SERINC5: variants seen among roughly 807,000 people sequenced by gnomAD.
SERINC5 encodes the protein chromosome 5 open reading frame 12.
In SERINC5, 41 loss-of-function variants were observed where a neutral mutation model predicts 63.1. The observed-to-expected ratio is 0.65, with a 90% confidence interval of 0.51 to 0.84. The LOEUF is 0.84. Among genes scored for constraint, SERINC5 ranks in the 40% least tolerant of loss-of-function variants. SERINC5 has a pLI of 0.00. For synonymous variants in SERINC5, 222 were observed against 215.2 expected, an observed-to-expected ratio of 1.03 and a Z score of -0.28; for missense variants, 523 against 573.0, an observed-to-expected ratio of 0.91 and a Z score of 0.89.
rs533772635 is a variant in SERINC5, at chr5:80,131,493, T to G, written c.1238+14597A>C. Among the ~76,000 whole-genome samples, 5 of 151,996 alleles carry G rather than the reference T, an allele frequency of 3.3e-5. No homozygotes were observed. In the East Asian group the frequency reaches 5.8e-4, roughly 18 times the overall value. On this transcript the variant is annotated intron_variant, in intron 11 of 12. Coordinates refer to the SERINC5 transcript ENST00000509193. ...GCTATCCAAGGGAGAAGCATTCCAG[T>G]ATGGGAAAGAGTGTGTGCAGAGAGC...
Position 80,119,924 on chromosome 5 carries a change from C to T in SERINC5, c.1239-6299G>A, listed in dbSNP as rs548890192. Reference sequence around the variant, plus strand: ...TCCAACCTAGGTAGGGGCTTGCTACCTAGGAGTCAATATGTAATACTGGAA... The same window carrying T: ...TCCAACCTAGGTAGGGGCTTGCTACTTAGGAGTCAATATGTAATACTGGAA... On this transcript the variant is annotated intron_variant, in intron 11 of 12. Coordinates refer to the SERINC5 transcript ENST00000509193. 2.0e-5 allele frequency among the ~76,000 whole-genome samples: 3 copies of T among 152,228 alleles called. No homozygotes were observed. In the South Asian group the frequency reaches 6.2e-4, roughly 32 times the overall value.
intron 6 of SERINC5, chr5:80,167,165 G>C (rs1290996757): frequency 1.3e-5 from 2 of 152,132 alleles, no homozygotes; most frequent in East Asian, 1.9e-4. Flanking sequence ...TTGTCATATA[G>C]ATTATTTCGT....
intron 12 of SERINC5, among the ~76,000 whole-genome samples, chr5:80,112,401 G>T (rs1005229942): frequency 6.6e-6 from 1 of 152,014 alleles, no homozygotes; most frequent in Non-Finnish European, 1.5e-5. Flanking sequence ...ACGTTTTCTT[G>T]CTGACCTTCT....
intron 1 of SERINC5, among the ~76,000 whole-genome samples, chr5:80,236,469 G>A (rs1751694960): frequency 6.6e-6 from 1 of 151,562 alleles, no homozygotes; most frequent in African/African-American, 2.4e-5. Context: ...ATTCTCAGTA[G>A]AAAGCAGGTT....
At chr5:80,163,249 G>A (rs1406707050) in intron 7 of SERINC5, among the ~76,000 whole-genome samples, 1 of 152,100 alleles carries the variant, frequency 6.6e-6, no homozygotes, top group Admixed American at 6.6e-5. Flanking sequence ...AGCCTTTTGG[G>A]TTTTCTAGAT....
At chr5:80,144,613 C>G (rs1190459378) in intron 11 of SERINC5, among the ~76,000 whole-genome samples, 1 of 152,178 alleles carries the variant, frequency 6.6e-6, no homozygotes, top group Non-Finnish European at 1.5e-5. Flanking sequence ...CATTAAAGCT[C>G]CCTTCTCCTC....
chr5:80,148,493 A>G (rs1580064311), intron 9 of SERINC5, among the ~76,000 whole-genome samples: 1 of 151,766 alleles, frequency 6.6e-6, no homozygotes, highest in South Asian at 2.1e-4. Context: ...CCCGGCCATT[A>G]TTTCTTACCT....
chr5:80,169,216 A>G (rs1747489951), intron 6 of SERINC5, 119 bp downstream of exon 6: 1 of 785,244 alleles, frequency 1.3e-6, no homozygotes, highest in Non-Finnish European at 2.1e-6. Context: ...ACACATCCAC[A>G]GTAAGTTAAG....
intron 1 of SERINC5, among the ~76,000 whole-genome samples, chr5:80,215,299 C>T (rs769512313): frequency 6.6e-6 from 1 of 152,146 alleles, no homozygotes; most frequent in Non-Finnish European, 1.5e-5. Context: ...CTGCTCCTGC[C>T]ATGTAAGACA....
intron 6 of SERINC5, 57 bp from the exon 7 acceptor site, chr5:80,166,535 T>C (rs1747315681): frequency 3.2e-6 from 4 of 1,233,028 alleles, no homozygotes; most frequent in African/African-American, 3.0e-5. Flanking sequence ...AGAAAGCACA[T>C]GCCTAAAAAA....
intron 11 of SERINC5, among the ~76,000 whole-genome samples, chr5:80,132,153 CA>C (rs1398872299): frequency 6.6e-6 from 1 of 152,136 alleles, no homozygotes; most frequent in African/African-American, 2.4e-5. Context: ...AAACCATGAG[CA>C]AATAATAGCA....
downstream of SERINC5, among the ~76,000 whole-genome samples, chr5:80,137,153 A>AC (rs1433427377): frequency 1.5e-5 from 2 of 134,356 alleles, no homozygotes; most frequent in African/African-American, 2.8e-5. Flanking sequence ...AAAAAAAAAA[A>AC]AAAAAAAAAA....
At chr5:80,224,410 G>A (rs1451975645) in intron 1 of SERINC5, among the ~76,000 whole-genome samples, 3 of 151,930 alleles carry the variant, frequency 2.0e-5, no homozygotes, top group African/African-American at 7.3e-5. Context: ...CCAGGAGGTC[G>A]AGGCTGCAAT....
At chr5:80,217,279 T>C (rs1435361184) in intron 1 of SERINC5, among the ~76,000 whole-genome samples, 3 of 152,180 alleles carry the variant, frequency 2.0e-5, no homozygotes, top group Non-Finnish European at 4.4e-5. Context: ...CGGCAGCCAG[T>C]GAAACACTAA....
chr5:80,244,694 C>T (rs533139573), intron 1 of SERINC5, among the ~76,000 whole-genome samples: 47 of 152,084 alleles, frequency 3.1e-4, no homozygotes, highest in African/African-American at 1.0e-3. Context: ...TAGTGGCATG[C>T]GCCCGTAATC....
chr5:80,143,177 G>T lies in SERINC5; in HGVS notation c.*486C>A. The T allele has an allele frequency of 1.0e-6, 1 of 986,556 alleles. No individual in the cohort carries two copies. The allele number at this position is 986,556 out of a possible 1,614,324, so 61.1% of individuals were successfully genotyped here. On this transcript the variant is annotated 3_prime_UTR_variant, in exon 12 of 12. Transcript: ENST00000507668. ...GGACCCTATAAATACCAGGGGCCCT[G>T]CAGGCTGAGTCCTGTCCTCAAAGCC...
At chr5:80,186,126 GAAA>G (rs10554934) in intron 2 of SERINC5, among the ~76,000 whole-genome samples, 13,414 of 60,916 alleles carry the variant, frequency 0.22, 881 homozygotes, top group Non-Finnish European at 0.27. Flanking sequence ...TTCTTGTTTT[GAAA>G]AAAAAAAAAA....
At chr5:80,221,651 GCAATATT>G (rs904700679) in intron 1 of SERINC5, among the ~76,000 whole-genome samples, 3 of 151,936 alleles carry the variant, frequency 2.0e-5, no homozygotes, top group Non-Finnish European at 4.4e-5. Context: ...AGAGAAAACT[GCAATATT>G]TTAATAGGTA....
Position 80,142,545 on chromosome 5 carries a change from T to A in SERINC5, c.*1118A>T. The stretch of plus-strand genomic sequence containing the variant: ...CACACATTGCCTAACAAGCTTCTTC[T>A]GGTCAGTGTGTCTGAGATCCTCACC... On this transcript the variant is annotated 3_prime_UTR_variant, in exon 12 of 12. Coordinates refer to ENST00000507668, the MANE Select transcript of SERINC5 (RefSeq NM_001174072.3). 3 of 985,478 alleles carry A rather than the reference T, an allele frequency of 3.0e-6. No homozygotes were observed. The highest frequency in any genetic ancestry group is 3.6e-6 in the Non-Finnish European group (3 of 829,952). 61.0% of individuals were successfully genotyped at this position (985,478 alleles called of 1,614,324 possible). A position where few individuals can be genotyped will look rare whatever the true frequency, so the allele number is the denominator to read the frequency against.
Sources: allele counts gnomAD v4.1 joint callset (sites outside exome capture counted in the v4.1 genomes callset), GRCh38; gene constraint gnomAD v4.1.1; transcripts MANE v1.5; gene names NCBI Gene and HGNC (gene_info 2026-07-23, HGNC 2026-07-21).